MCMDC2: variants seen among roughly 807,000 people sequenced by gnomAD.
MCMDC2 encodes the protein minichromosome maintenance domain containing 2.
Under a neutral mutation model 75.8 loss-of-function variants are expected in MCMDC2, and 54 were observed. That is an observed-to-expected ratio of 0.71 (90% confidence interval 0.57 to 0.89). MCMDC2 has a LOEUF of 0.89. Among genes scored for constraint, MCMDC2 ranks in the 40% least tolerant of loss-of-function variants. The pLI is 0.00. For synonymous variants in MCMDC2, 249 were observed against 274.6 expected, an observed-to-expected ratio of 0.91 and a Z score of 0.92; for missense variants, 656 against 780.4, an observed-to-expected ratio of 0.84 and a Z score of 1.90.
chr8:66,896,389 T>C, intron 11 of MCMDC2, 53 bp downstream of exon 11: 3 of 1,450,098 alleles, frequency 2.1e-6, no homozygotes, highest in Non-Finnish European at 2.8e-6. Flanking sequence ...AATAAAGTCA[T>C]AAATTTTAAT....
intron 13 of MCMDC2, among the ~76,000 whole-genome samples, chr8:66,904,866 A>G (rs1812843706): frequency 6.6e-6 from 1 of 152,194 alleles, no homozygotes; most frequent in African/African-American, 2.4e-5. Context: ...TTGCAAATCT[A>G]TGAGGATTTT....
At chr8:66,918,644 TCACTC>T (rs1471343511) in intron 14 of MCMDC2, among the ~76,000 whole-genome samples, 2 of 152,174 alleles carry the variant, frequency 1.3e-5, no homozygotes, top group African/African-American at 4.8e-5. Flanking sequence ...CCTCCTCACA[TCACTC>T]ATCAGCTTCA....
At chr8:66,914,821 A>C (rs1813241676) in intron 14 of MCMDC2, among the ~76,000 whole-genome samples, 1 of 152,114 alleles carries the variant, frequency 6.6e-6, no homozygotes, top group Non-Finnish European at 1.5e-5. Context: ...AAATTAGTGA[A>C]TTAGAGATAC....
rs181956414 is a variant in MCMDC2 at position 66,909,021 on chromosome 8, A to T, written c.1879+3686A>T. Among the ~76,000 whole-genome samples, 7 of 152,302 alleles carry T rather than the reference A, an allele frequency of 4.6e-5. No individual in the cohort carries two copies. The East Asian group carries it at 9.6e-4, about 21-fold the overall frequency. ...ATAATCCCCAAATGTCAAAGGAGAGACCAGGTGGAGGTAACTGAATCATGG... is the reference window on the plus strand; with the variant it reads ...ATAATCCCCAAATGTCAAAGGAGAGTCCAGGTGGAGGTAACTGAATCATGG... On this transcript the variant is annotated intron_variant, in intron 14 of 14. Coordinates refer to ENST00000422365, the MANE Select transcript of MCMDC2 (RefSeq NM_173518.5).
chr8:66,873,048 C>CTTGAAAGGCAGGA (rs1264253878), intron 1 of MCMDC2, among the ~76,000 whole-genome samples: 7 of 150,974 alleles, frequency 4.6e-5, no homozygotes, highest in Non-Finnish European at 5.9e-5. Flanking sequence ...CTAGCAACTT[C>CTTGAAAGGCAGGA]TTGAAAGGCA....
chr8:66,876,809 G>A (rs1466746627), intron 4 of MCMDC2, among the ~76,000 whole-genome samples: 2 of 152,090 alleles, frequency 1.3e-5, no homozygotes, highest in South Asian at 2.1e-4. Context: ...TGCCCAGGCT[G>A]GAGTGCAGTG....
At position 66,880,945 on chromosome 8, in the gene MCMDC2, C is replaced by T. The variant is rs1811529949; in HGVS notation, c.806C>T (p.Ala269Val). 1 of 1,532,054 alleles carries T rather than the reference C, an allele frequency of 6.5e-7. No individual in the cohort carries two copies. Among genetic ancestry groups the T allele is most frequent in the South Asian group, 1.4e-5 (1 of 73,392 alleles). The allele number at this position is 1,532,054 out of a possible 1,614,324, so 94.9% of individuals were successfully genotyped here. The change falls in exon 8 of 15, where the codon GCA becomes GTA. Residue 269 changes from alanine (A) to valine (V), a missense_variant. Transcript: ENST00000422365. Reference sequence around the variant, plus strand: ...TCACAAACTGCTGTCTGTATAGAAGCAAATAGCATAACTTTTTGTAATTCA... The same window carrying T: ...TCACAAACTGCTGTCTGTATAGAAGTAAATAGCATAACTTTTTGTAATTCA... The part of the protein sequence containing the change: ...KTSQTAVCIE[A>V]NSITFCNSKV...
At chr8:66,889,537 T>C (rs532173912) in intron 9 of MCMDC2, among the ~76,000 whole-genome samples, 1 of 152,268 alleles carries the variant, frequency 6.6e-6, no homozygotes, top group South Asian at 2.1e-4. Context: ...GGCTCAAGCC[T>C]GTAATCCCAG....
intron 12 of MCMDC2, among the ~76,000 whole-genome samples, chr8:66,900,610 T>C (rs1433738701): frequency 6.6e-6 from 1 of 151,998 alleles, no homozygotes; most frequent in Non-Finnish European, 1.5e-5. Flanking sequence ...GGAAATTACG[T>C]CACAGAGAAG....
In MCMDC2 at chr8:66,880,986, T is replaced by G. The variant is rs756312505; in HGVS notation, c.835+12T>G. 3 of 1,469,364 alleles carry G rather than the reference T, an allele frequency of 2.0e-6. No homozygotes were observed. Among genetic ancestry groups the G allele is most frequent in the Admixed American group, 2.5e-5 (1 of 40,768 alleles). 91.0% of individuals were successfully genotyped at this position (1,469,364 alleles called of 1,614,324 possible). A position where few individuals can be genotyped will look rare whatever the true frequency, so the allele number is the denominator to read the frequency against. On this transcript the variant is annotated intron_variant, in intron 8 of 14. Coordinates refer to ENST00000422365, the MANE Select transcript of MCMDC2 (RefSeq NM_173518.5). ...TTGTAATTCAAAAGGTAAGGAAAATTTTAGTATTATATATTAACAAATATT... is the reference window on the plus strand; with the variant it reads ...TTGTAATTCAAAAGGTAAGGAAAATGTTAGTATTATATATTAACAAATATT...
intron 7 of MCMDC2, 110 bp downstream of exon 7, chr8:66,879,029 GA>G: frequency 1.4e-6 from 1 of 695,712 alleles, no homozygotes; most frequent in South Asian, 1.7e-5. Flanking sequence ...GCTGAGGTGG[GA>G]GGATCACTTG....
At chr8:66,893,466 A>G (rs1233231272) in intron 10 of MCMDC2, among the ~76,000 whole-genome samples, 1 of 152,244 alleles carries the variant, frequency 6.6e-6, no homozygotes, top group Non-Finnish European at 1.5e-5. Context: ...ACAGTTCCAC[A>G]TGGCTGAGGA....
intron 14 of MCMDC2, among the ~76,000 whole-genome samples, chr8:66,914,314 C>G (rs951633247): frequency 1.3e-4 from 19 of 145,820 alleles, no homozygotes; most frequent in African/African-American, 4.5e-4. Flanking sequence ...ACTAAAGACA[C>G]TAATGAATAT....
intron 14 of MCMDC2, among the ~76,000 whole-genome samples, chr8:66,906,629 C>T (rs573450178): frequency 4.6e-5 from 7 of 152,034 alleles, no homozygotes; most frequent in African/African-American, 1.7e-4. Context: ...AAATATCATC[C>T]TGAATTAGTT....
intron 12 of MCMDC2, among the ~76,000 whole-genome samples, chr8:66,899,965 C>CAA (rs545662743): frequency 1.2e-3 from 174 of 141,462 alleles, no homozygotes; most frequent in African/African-American, 4.4e-3. Flanking sequence ...ACTAAAAATA[C>CAA]AAAAAAAAAC....
chr8:66,923,117 G>T (rs1204973132), downstream of MCMDC2, among the ~76,000 whole-genome samples: 2 of 152,122 alleles, frequency 1.3e-5, no homozygotes, highest in South Asian at 2.1e-4. Context: ...GTACACAGCC[G>T]TTGCTTTTCT....
At chr8:66,897,039 A>AT (rs2130837143) in intron 12 of MCMDC2, 80 bp downstream of exon 12, 1 of 1,271,028 alleles carries the variant, frequency 7.9e-7, no homozygotes, top group African/African-American at 1.6e-5. Flanking sequence ...TGAGTGCTGG[A>AT]TTTTCTTTAT....
chr8:66,925,285 C>T (rs1391537691), downstream of MCMDC2, among the ~76,000 whole-genome samples: 1 of 152,230 alleles, frequency 6.6e-6, no homozygotes, highest in Non-Finnish European at 1.5e-5. Flanking sequence ...GCTCGTGGGC[C>T]TTGGGGGCAC....
rs1379592385 is a variant in MCMDC2 at position 66,919,990 on chromosome 8, C to T, written c.*821C>T. 1 of 152,188 alleles carries T rather than the reference C, an allele frequency of 6.6e-6. No individual in the cohort carries two copies. 9.4% of individuals were successfully genotyped at this position (152,188 alleles called of 1,614,324 possible). ...TTATAAATCCTTTTTAGTTCAGTTT[C>T]CATAACTTTAATAAAAGATCAGTTC... On this transcript the variant is annotated 3_prime_UTR_variant, in exon 15 of 15. Coordinates refer to ENST00000422365, the MANE Select transcript of MCMDC2 (RefSeq NM_173518.5).
Sources: allele counts gnomAD v4.1 joint callset (sites outside exome capture counted in the v4.1 genomes callset), GRCh38; gene constraint gnomAD v4.1.1; transcripts MANE v1.5; gene names NCBI Gene and HGNC (gene_info 2026-07-23, HGNC 2026-07-21).